Variants in BMP2K observed in about 807,000 individuals in gnomAD.
The protein encoded by BMP2K is BMP-2-inducible protein kinase.
Under a neutral mutation model 116.0 loss-of-function variants are expected in BMP2K, and 74 were observed. The observed-to-expected ratio is 0.64, with a 90% CI of 0.53 to 0.77. The LOEUF is 0.77. Ranked by LOEUF, BMP2K falls within the 30% of genes least tolerant of loss-of-function variation. The probability of loss-of-function intolerance (pLI) is 0.00; values close to 1 mark genes in which losing one functional copy is unlikely to be tolerated. For missense variants in BMP2K, 1,365 were observed against 1,403.6 expected (o/e 0.97, Z 0.44); for synonymous variants, 486 against 502.5 (o/e 0.97, Z 0.44).
chr4:78,829,777 T>TCTCTTCTCTTCTCTTCTC (rs1730076564), intron 2 of BMP2K, among the ~76,000 whole-genome samples: 3 of 96,600 alleles, frequency 3.1e-5, no homozygotes, highest in African/African-American at 1.5e-4. Flanking sequence ...TTTCTTTTCT[T>TCTCTTCTCTTCTCTTCTC]TTCTTTTCTT....
intron 1 of BMP2K, among the ~76,000 whole-genome samples, chr4:78,825,243 A>T (rs1053325878): frequency 6.6e-6 from 1 of 152,124 alleles, no homozygotes; most frequent in South Asian, 2.1e-4. Context: ...CAGAATTTCC[A>T]TATAAACCAT....
At position 78,798,515 on chromosome 4, in the gene BMP2K, T is replaced by C. The variant is rs571388229; in HGVS notation, c.178+21794T>C. ...TTTTACTCTGAAAACAATTTGTTCT[T>C]AGAAAAACTATGATCATGTGTTCTC... On this transcript the variant is annotated intron_variant, in intron 1 of 15. Transcript: ENST00000502613. Among the ~76,000 whole-genome samples, 11 of 152,336 alleles carry C rather than the reference T, an allele frequency of 7.2e-5. No individual in the cohort carries two copies. In the South Asian group the frequency reaches 2.3e-3, roughly 32 times the overall value.
intron 1 of BMP2K, among the ~76,000 whole-genome samples, chr4:78,781,808 T>G (rs541679635): frequency 6.6e-6 from 1 of 152,300 alleles, no homozygotes; most frequent in East Asian, 1.9e-4. Context: ...GTGATACAGA[T>G]GCTGCCGGTT....
At chr4:78,895,484 T>A (rs1733653719) in intron 15 of BMP2K, among the ~76,000 whole-genome samples, 1 of 152,192 alleles carries the variant, frequency 6.6e-6, no homozygotes, top group Admixed American at 6.5e-5. Flanking sequence ...GATAAATTTT[T>A]AAAAAATACT....
intron 3 of BMP2K, among the ~76,000 whole-genome samples, chr4:78,837,505 G>A (rs1027756204): frequency 2.0e-5 from 3 of 152,034 alleles, no homozygotes; most frequent in East Asian, 1.9e-4. Flanking sequence ...TGACTCTTTC[G>A]TGTTCTCTCA....
chr4:78,868,028 C>G (rs1358079533), intron 10 of BMP2K, among the ~76,000 whole-genome samples: 3 of 152,160 alleles, frequency 2.0e-5, no homozygotes, highest in Non-Finnish European at 4.4e-5. Flanking sequence ...CCACTGCACT[C>G]CAGGCTGGGC....
At chr4:78,829,426 A>C (rs1185538567) in intron 2 of BMP2K, among the ~76,000 whole-genome samples, 2 of 143,968 alleles carry the variant, frequency 1.4e-5, no homozygotes, top group African/African-American at 5.1e-5. Context: ...TTCTGTTTCT[A>C]CCATGTCTGC....
At chr4:78,891,955 T>G (rs1733462252) in intron 15 of BMP2K, among the ~76,000 whole-genome samples, 1 of 152,214 alleles carries the variant, frequency 6.6e-6, no homozygotes, top group African/African-American at 2.4e-5. Context: ...ACTGAATTTC[T>G]TGGAAACAAC....
At chr4:78,857,428 A>G (rs1731556492) in intron 7 of BMP2K, among the ~76,000 whole-genome samples, 1 of 152,102 alleles carries the variant, frequency 6.6e-6, no homozygotes, top group Non-Finnish European at 1.5e-5. Context: ...ATACAGAAAT[A>G]CCTATACCCA....
chr4:78,828,629 AGACTGT>A (rs1393275058), intron 2 of BMP2K, among the ~76,000 whole-genome samples: 1 of 152,224 alleles, frequency 6.6e-6, no homozygotes, highest in Non-Finnish European at 1.5e-5. Context: ...TTATAACAAA[AGACTGT>A]GACTAGGGCT....
chr4:78,809,569 G>A (rs2109969675), intron 1 of BMP2K, among the ~76,000 whole-genome samples: 1 of 152,012 alleles, frequency 6.6e-6, no homozygotes, highest in African/African-American at 2.4e-5. Flanking sequence ...TTGTACAGAC[G>A]AGGTTTCACT....
At chr4:78,796,614 G>A (rs1351024653) in intron 1 of BMP2K, among the ~76,000 whole-genome samples, 1 of 152,130 alleles carries the variant, frequency 6.6e-6, no homozygotes, top group Non-Finnish European at 1.5e-5. Flanking sequence ...TAGTTATAAG[G>A]CCACTTAAAG....
rs550935549 is a variant in BMP2K at position 78,780,873 on chromosome 4, G to A, written c.178+4152G>A. Among the ~76,000 whole-genome samples the A allele has an allele frequency of 3.3e-4, 51 of 152,322 alleles. 1 individual carries two copies. The South Asian group carries it at 0.01, about 31-fold the overall frequency. ...ATGTGTCGTGAAGACAATGCTCAGGGTTTTATGAGAGAATTCAGTTTAGAC... is the reference window on the plus strand; with the variant it reads ...ATGTGTCGTGAAGACAATGCTCAGGATTTTATGAGAGAATTCAGTTTAGAC... On this transcript the variant is annotated intron_variant, in intron 1 of 15. Transcript: ENST00000502613.
intron 1 of BMP2K, among the ~76,000 whole-genome samples, chr4:78,810,038 A>T (rs553512565): frequency 2.6e-4 from 39 of 152,274 alleles, no homozygotes; most frequent in Non-Finnish European, 4.6e-4. Context: ...TTGTTTACTG[A>T]CTTTCCTGTA....
chr4:78,782,847 T>C (rs1279162629), intron 1 of BMP2K, among the ~76,000 whole-genome samples: 1 of 152,232 alleles, frequency 6.6e-6, no homozygotes, highest in African/African-American at 2.4e-5. Context: ...TCTATTCACC[T>C]GTGCATTCAG....
chr4:78,860,198 G>A, intron 8 of BMP2K: 2 of 404,700 alleles, frequency 4.9e-6, no homozygotes, highest in Non-Finnish European at 9.6e-6. Flanking sequence ...AAGGTGGGAA[G>A]CGGATGAAGG....
chr4:78,840,673 GT>G (rs1167705770), intron 3 of BMP2K, among the ~76,000 whole-genome samples: 9 of 151,774 alleles, frequency 5.9e-5, no homozygotes. Context: ...AAAACTCTGA[GT>G]TTTGAGTAAT....
At chr4:78,794,431 A>G (rs1398916172) in intron 1 of BMP2K, among the ~76,000 whole-genome samples, 1 of 152,194 alleles carries the variant, frequency 6.6e-6, no homozygotes, top group Non-Finnish European at 1.5e-5. Context: ...GTAGACTTAG[A>G]AACTGTCAGA....
chr4:78,892,312 A>C (rs1733481581), intron 15 of BMP2K, among the ~76,000 whole-genome samples: 1 of 152,146 alleles, frequency 6.6e-6, no homozygotes, highest in South Asian at 2.1e-4. Flanking sequence ...AAATTTTGAA[A>C]TTTATATTTT....
Sources: gnomAD v4.1 joint callset for allele counts (sites outside exome capture counted in the v4.1 genomes callset) on GRCh38, gnomAD v4.1.1 for gene constraint, MANE v1.5 for transcripts, NCBI Gene and HGNC (gene_info 2026-07-23, HGNC 2026-07-21) for gene names.